Variants in PIAS2 observed in about 807,000 individuals in gnomAD.
The protein encoded by PIAS2 is E3 SUMO-protein ligase PIAS2.
Under a neutral mutation model 69.7 loss-of-function variants are expected in PIAS2, and 19 were observed. The ratio of observed to expected loss-of-function variants is 0.27; its 90% CI spans 0.19 to 0.40. The LOEUF (loss-of-function observed/expected upper bound fraction) is 0.40, where lower values mean the gene tolerates loss of function less well. PIAS2 is among the 10% of genes least tolerant of loss of function. The pLI is 1.00. For missense variants in PIAS2, 624 were observed against 757.0 expected, an observed-to-expected ratio of 0.82 and a Z score of 2.06; for synonymous variants, 261 against 263.2, an observed-to-expected ratio of 0.99 and a Z score of 0.08.
intron 1 of PIAS2, chr18:46,916,714 TA>T: frequency 1.7e-6 from 1 of 573,476 alleles, no homozygotes; most frequent in Non-Finnish European, 2.2e-6. Flanking sequence ...ACTAAAACAC[TA>T]AGAAAATATC....
chr18:46,908,527 T>C (rs1599080968), intron 1 of PIAS2, among the ~76,000 whole-genome samples: 1 of 138,304 alleles, frequency 7.2e-6, no homozygotes, highest in Admixed American at 7.2e-5. Context: ...ATTAAAACCT[T>C]AAATGAGAAA....
rs1195886014 is a variant in PIAS2 at position 46,811,033 on chromosome 18, A to G, written c.*1400T>C. On this transcript the variant is annotated 3_prime_UTR_variant, in exon 14 of 14. Coordinates refer to ENST00000585916, the MANE Select transcript of PIAS2 (RefSeq NM_004671.5). ...TGGATGAAAATGTTTCTCTAAGAGT[A>G]AAACCCAGTTTTCTCTGTGATTTAA... 6.6e-6 allele frequency: 1 copy of G among 152,204 alleles called. No homozygotes were observed. Among genetic ancestry groups the G allele is most frequent in the Non-Finnish European group, 1.5e-5 (1 of 68,046 alleles). The allele number at this position is 152,204 out of a possible 1,614,324, so 9.4% of individuals were successfully genotyped here.
intron 2 of PIAS2, among the ~76,000 whole-genome samples, chr18:46,884,904 C>T (rs1423165161): frequency 2.1e-5 from 3 of 141,924 alleles, no homozygotes; most frequent in African/African-American, 7.7e-5. Flanking sequence ...GCTACAAGAG[C>T]AAATCTGTCT....
intron 2 of PIAS2, among the ~76,000 whole-genome samples, chr18:46,876,451 A>T (rs1449697512): frequency 6.6e-6 from 1 of 152,198 alleles, no homozygotes; most frequent in Non-Finnish European, 1.5e-5. Flanking sequence ...TATATTAGAG[A>T]TGCTAGTAAA....
intron 1 of PIAS2, among the ~76,000 whole-genome samples, chr18:46,898,752 G>C (rs944883578): frequency 1.3e-5 from 2 of 152,112 alleles, no homozygotes; most frequent in African/African-American, 4.8e-5. Context: ...TCAACACTTT[G>C]GGGGGCTGAG....
intron 1 of PIAS2, among the ~76,000 whole-genome samples, chr18:46,893,226 T>A (rs1236716164): frequency 6.6e-6 from 1 of 152,232 alleles, no homozygotes; most frequent in Admixed American, 6.5e-5. Context: ...ATACGATGCA[T>A]CTTTCCCTCA....
rs747235279 is a variant in PIAS2, at chr18:46,828,140, A to G, written c.1337-10T>C. 1 of 1,584,484 alleles carries G rather than the reference A, an allele frequency of 6.3e-7. No individual in the cohort carries two copies. The highest frequency in any genetic ancestry group is 8.6e-7 in the Non-Finnish European group (1 of 1,168,672). The stretch of plus-strand genomic sequence containing the variant: ...CTGAGGACGCTTGAACCTGCATGTA[A>G]AGAAACAAAAGGAAAAAAAAATTAA... On this transcript the variant is annotated splice_polypyrimidine_tract_variant and intron_variant, in intron 10 of 13. Coordinates refer to ENST00000585916, the MANE Select transcript of PIAS2 (RefSeq NM_004671.5).
intron 9 of PIAS2, among the ~76,000 whole-genome samples, chr18:46,832,270 C>T (rs1333241213): frequency 2.0e-5 from 3 of 151,880 alleles, no homozygotes; most frequent in Admixed American, 6.6e-5. Context: ...CAAAAATTAG[C>T]CAGGCGTGGT....
At chr18:46,883,465 G>T (rs564943476) in intron 2 of PIAS2, among the ~76,000 whole-genome samples, 49 of 151,994 alleles carry the variant, frequency 3.2e-4, no homozygotes, top group South Asian at 1.0e-3. Context: ...CACTTTGGGG[G>T]GCCGGGGCAG....
At chr18:46,842,731 A>G (rs1450428494) in intron 8 of PIAS2, among the ~76,000 whole-genome samples, 3 of 152,196 alleles carry the variant, frequency 2.0e-5, no homozygotes, top group Non-Finnish European at 4.4e-5. Flanking sequence ...AGGTTTGCAT[A>G]GAGCCTGCAC....
At chr18:46,813,265 T>TCTAA (rs1568332364) in intron 13 of PIAS2, among the ~76,000 whole-genome samples, 2 of 152,110 alleles carry the variant, frequency 1.3e-5, no homozygotes, top group Non-Finnish European at 2.9e-5. Context: ...TTAAAGAAGA[T>TCTAA]CTAACCTAAT....
intron 5 of PIAS2, among the ~76,000 whole-genome samples, chr18:46,848,766 AGTGT>A (rs554067671): frequency 1.5e-4 from 22 of 146,404 alleles, no homozygotes; most frequent in Admixed American, 2.1e-4. Context: ...AGAGAGAGAC[AGTGT>A]GTGTGTGTGT....
At chr18:46,901,213 T>C (rs1311617345) in intron 1 of PIAS2, 3 of 366,416 alleles carry the variant, frequency 8.2e-6, no homozygotes, top group Non-Finnish European at 1.6e-5. Context: ...CGGTCAGGAG[T>C]TCGAGGCCAG....
At chr18:46,862,680 T>TAC (rs1267383486) in intron 3 of PIAS2, among the ~76,000 whole-genome samples, 1 of 148,586 alleles carries the variant, frequency 6.7e-6, no homozygotes, top group African/African-American at 2.4e-5. Context: ...CACATATATA[T>TAC]ACACACACAC....
intron 8 of PIAS2, among the ~76,000 whole-genome samples, chr18:46,837,381 C>G (rs1432691839): frequency 1.3e-5 from 2 of 152,156 alleles, no homozygotes; most frequent in African/African-American, 4.8e-5. Flanking sequence ...TCTTTTACTT[C>G]TAAGAGTCAC....
chr18:46,832,892 C>CAAAAAAAAAA (rs34958166), intron 9 of PIAS2, among the ~76,000 whole-genome samples: 3,009 of 105,472 alleles, frequency 0.029, 61 homozygotes, highest in Non-Finnish European at 0.047. Flanking sequence ...CCTCTGTCTC[C>CAAAAAAAAAA]AAAAAAAAAA....
chr18:46,825,633 C>T (rs1378790088), intron 11 of PIAS2, among the ~76,000 whole-genome samples: 1 of 152,180 alleles, frequency 6.6e-6, no homozygotes, highest in Non-Finnish European at 1.5e-5. Context: ...GACTGAAATG[C>T]TCTGAGAGTC....
chr18:46,829,973 C>T (rs1409550367), intron 9 of PIAS2, 106 bp from the exon 10 acceptor site: 1 of 956,802 alleles, frequency 1.0e-6, no homozygotes, highest in African/African-American at 1.6e-5. Context: ...TGTTAGCTGA[C>T]CCCCTTTTCT....
At chr18:46,868,760 C>T (rs1209545808) in intron 2 of PIAS2, among the ~76,000 whole-genome samples, 2 of 152,188 alleles carry the variant, frequency 1.3e-5, no homozygotes, top group Non-Finnish European at 2.9e-5. Context: ...TGACTCCAAG[C>T]TCTTGTTTCT....
Sources: gnomAD v4.1 joint callset for allele counts (sites outside exome capture counted in the v4.1 genomes callset) on GRCh38, gnomAD v4.1.1 for gene constraint, MANE v1.5 for transcripts, NCBI Gene and HGNC (gene_info 2026-07-23, HGNC 2026-07-21) for gene names.